The following MICU2 variants were observed in gnomAD, a reference collection of about 807,000 sequenced individuals.
The protein encoded by MICU2 is calcium uptake protein 2, mitochondrial.
In MICU2, 64 loss-of-function variants were observed where a neutral mutation model predicts 60.4. That is an observed-to-expected ratio of 1.06 (90% CI 0.87 to 1.31). The LOEUF is 1.31. MICU2 is among the 50% of genes most tolerant of loss of function. The pLI is 0.00. For synonymous variants in MICU2, 201 were observed against 175.0 expected, an observed-to-expected ratio of 1.15 and a Z score of -1.17; for missense variants, 569 against 531.0, an observed-to-expected ratio of 1.07 and a Z score of -0.70.
chr13:21,546,390 A>G (rs2251028), intron 2 of MICU2, among the ~76,000 whole-genome samples: 143,862 of 151,802 alleles, frequency 0.95, 68,306 homozygotes, highest in East Asian at 1. Flanking sequence ...GATCTGAAGG[A>G]GAAATACAGC....
chr13:21,572,101 A>G (rs1566165192), intron 1 of MICU2, among the ~76,000 whole-genome samples: 1 of 152,270 alleles, frequency 6.6e-6, no homozygotes, highest in South Asian at 2.1e-4. Context: ...ACATTAAATT[A>G]TAAGTGCTAG....
At chr13:21,537,768 C>A (rs757112638) in intron 4 of MICU2, among the ~76,000 whole-genome samples, 1 of 152,180 alleles carries the variant, frequency 6.6e-6, no homozygotes, top group African/African-American at 2.4e-5. Context: ...GCGTGAGCCA[C>A]CGCACCTCAC....
At chr13:21,565,573 G>A (rs1345016109) in intron 2 of MICU2, among the ~76,000 whole-genome samples, 3 of 152,230 alleles carry the variant, frequency 2.0e-5, no homozygotes, top group Non-Finnish European at 4.4e-5. Context: ...CAGGAGAATC[G>A]CTTGAACCCC....
At chr13:21,506,924 C>T (rs1886304016) in intron 8 of MICU2, among the ~76,000 whole-genome samples, 1 of 152,162 alleles carries the variant, frequency 6.6e-6, no homozygotes, top group Non-Finnish European at 1.5e-5. Flanking sequence ...ACATATGAAA[C>T]CATTTTTGTG....
At chr13:21,601,092 G>A (rs770133123) in intron 1 of MICU2, among the ~76,000 whole-genome samples, 2 of 152,136 alleles carry the variant, frequency 1.3e-5, no homozygotes, top group Non-Finnish European at 2.9e-5. Context: ...CACCAGGCCC[G>A]GCCGGACATA....
rs779157867 is a variant in MICU2 at position 21,604,027 on chromosome 13, C to A, written c.122G>T (p.Gly41Val). The A allele has an allele frequency of 6.2e-7, 1 of 1,608,006 alleles. No homozygotes were observed. The highest frequency in any genetic ancestry group is 1.1e-5 in the South Asian group (1 of 90,758). Residue 41 changes from glycine to valine, a missense_variant, in exon 1 of 12, where the codon GGC becomes GTC. Physicochemically the swap from Gly to Val is moderately radical, Grantham distance 109. Transcript: ENST00000382374. ...SPGPLAAAVA[G>V]AALAGAGAAW... is the part of the protein sequence containing the mutation. ...CGCTCCTGCTCCTGCCAGGGCCGCG[C>A]CGGCCACTGCCGCTGCCAAGGGGCC...
At chr13:21,556,356 T>G (rs1887708710) in intron 2 of MICU2, among the ~76,000 whole-genome samples, 1 of 152,208 alleles carries the variant, frequency 6.6e-6, no homozygotes, top group South Asian at 2.1e-4. Flanking sequence ...ACCTTTTAGC[T>G]GCTCCTTCTC....
At chr13:21,495,355 GAA>G (rs1566136465) in intron 10 of MICU2, 37 bp from the exon 11 acceptor site, 1 of 1,472,882 alleles carries the variant, frequency 6.8e-7, no homozygotes, top group Non-Finnish European at 9.1e-7. Context: ...TCAACTATGT[GAA>G]ATAGTCTAAG....
chr13:21,508,240 C>T (rs904806740), intron 8 of MICU2, among the ~76,000 whole-genome samples: 1 of 151,998 alleles, frequency 6.6e-6, no homozygotes, highest in African/African-American at 2.4e-5. Flanking sequence ...ATTCTCCTGC[C>T]TCAGCCTCCC....
At chr13:21,500,390 A>G (rs897211546) in intron 9 of MICU2, among the ~76,000 whole-genome samples, 6 of 150,002 alleles carry the variant, frequency 4.0e-5, no homozygotes, top group South Asian at 2.1e-4. Flanking sequence ...AAAATCTCAG[A>G]CCGTTTAAAG....
At chr13:21,494,490 A>G (rs1381164000) in intron 11 of MICU2, among the ~76,000 whole-genome samples, 1 of 152,228 alleles carries the variant, frequency 6.6e-6, no homozygotes, top group Non-Finnish European at 1.5e-5. Flanking sequence ...TCATAATCTC[A>G]GCCACTATAC....
chr13:21,570,882 C>A (rs1168902579), intron 1 of MICU2, among the ~76,000 whole-genome samples: 2 of 152,176 alleles, frequency 1.3e-5, no homozygotes, highest in African/African-American at 4.8e-5. Context: ...TAATTTATAG[C>A]CTAGGGAAAT....
intron 4 of MICU2, among the ~76,000 whole-genome samples, chr13:21,525,181 ATT>A (rs71093324): frequency 8.9e-4 from 74 of 83,290 alleles, no homozygotes; most frequent in African/African-American, 3.1e-3. Flanking sequence ...GTGTAATTCA[ATT>A]TTTTTTTTTT....
intron 10 of MICU2, 47 bp from the exon 11 acceptor site, chr13:21,495,365 A>G: frequency 7.2e-7 from 1 of 1,397,040 alleles, no homozygotes; most frequent in South Asian, 1.9e-5. Flanking sequence ...GAAATAGTCT[A>G]AGTGAAATTA....
chr13:21,532,633 A>G (rs1314651690), intron 4 of MICU2, among the ~76,000 whole-genome samples: 2 of 152,222 alleles, frequency 1.3e-5, no homozygotes, highest in African/African-American at 4.8e-5. Context: ...TAGGATGGTG[A>G]GAAAAGCAAT....
At chr13:21,495,097 A>G in intron 11 of MICU2, 64 bp downstream of exon 11, 1 of 1,359,394 alleles carries the variant, frequency 7.4e-7, no homozygotes, top group Non-Finnish European at 9.8e-7. Context: ...CAATTGCCCA[A>G]ATTCTAGGTT....
At chr13:21,595,419 C>T (rs1386688722) in intron 1 of MICU2, among the ~76,000 whole-genome samples, 2 of 152,226 alleles carry the variant, frequency 1.3e-5, no homozygotes, top group Admixed American at 1.3e-4. Flanking sequence ...GAACCACTTC[C>T]AATTAGTACT....
chr13:21,523,904 A>C (rs1206548754), intron 4 of MICU2, among the ~76,000 whole-genome samples: 1 of 152,230 alleles, frequency 6.6e-6, no homozygotes, highest in East Asian at 1.9e-4. Context: ...AACTGCCAGA[A>C]GCCAGTATTT....
intron 2 of MICU2, among the ~76,000 whole-genome samples, chr13:21,562,770 A>G (rs1038276178): frequency 1.3e-5 from 2 of 152,120 alleles, no homozygotes; most frequent in Non-Finnish European, 2.9e-5. Flanking sequence ...TTTTGATTAA[A>G]CTGTTATCTG....
Sources: allele counts gnomAD v4.1 joint callset (sites outside exome capture counted in the v4.1 genomes callset), GRCh38; gene constraint gnomAD v4.1.1; transcripts MANE v1.5; gene names NCBI Gene and HGNC (gene_info 2026-07-23, HGNC 2026-07-21).